DMD: variants seen among roughly 807,000 people sequenced by gnomAD.
DMD encodes dystrophin.
DMD carries 63 observed loss-of-function variants against 330.1 expected under a neutral mutation model. The observed-to-expected ratio is 0.19, with a 90% CI of 0.16 to 0.24. The LOEUF (loss-of-function observed/expected upper bound fraction) is 0.24, where lower values mean the gene tolerates loss of function less well. Among genes scored for constraint, DMD ranks in the 10% least tolerant of loss-of-function variants. The probability of loss-of-function intolerance (pLI) is 1.00; values close to 1 mark genes in which losing one functional copy is unlikely to be tolerated. For missense variants in DMD, 3,344 were observed against 2,684.1 expected, an observed-to-expected ratio of 1.25 and a Z score of -5.43; for synonymous variants, 1,223 against 959.8, an observed-to-expected ratio of 1.27 and a Z score of -5.07.
intron 1 of DMD, among the ~76,000 whole-genome samples, chrX:33,023,414 C>A (rs1271251335): frequency 9.0e-6 from 1 of 111,527 alleles, no homozygotes; most frequent in Non-Finnish European, 1.9e-5. Context: ...AGTGATCACA[C>A]CCACTTCTAC....
rs1266543609 is a variant in DMD, at chrX:31,449,813, T to TAGATAGAA, written c.8938-5187_8938-5186insTTCTATCT. On this transcript the variant is annotated intron_variant, in intron 59 of 78. Coordinates refer to ENST00000357033, the MANE Select transcript of DMD (RefSeq NM_004006.3). ...ATATATATATAGATAGATAGATAGA[T>TAGATAGAA]AGAAATCTGGCTATATATATATAAA... is the stretch of plus-strand genomic sequence containing the variant. 1.8e-3 allele frequency among the ~76,000 whole-genome samples: 176 copies of TAGATAGAA among 96,746 alleles called. 3 individuals are homozygous for TAGATAGAA. The highest frequency in any genetic ancestry group is 6.4e-3 in the African/African-American group (172 of 27,079). The allele number at this position is 96,746 out of a possible 115,157, so 84.0% of individuals were successfully genotyped here.
chrX:32,625,605 A>G (rs1175834048), intron 11 of DMD, among the ~76,000 whole-genome samples: 5 of 112,541 alleles, frequency 4.4e-5, no homozygotes, highest in Non-Finnish European at 5.6e-5. Context: ...ATACAAATTT[A>G]TAAATGCAAA....
chrX:31,844,008 G>A (rs1334179408), intron 48 of DMD, among the ~76,000 whole-genome samples: 6 of 111,244 alleles, frequency 5.4e-5, no homozygotes, highest in East Asian at 2.8e-4. Context: ...ACAGGGATGC[G>A]CCAGCATGCC....
At position 32,720,715 on chromosome X, in the gene DMD, T is replaced by C. The variant is rs763257028; in HGVS notation, c.650-21422A>G. Among the ~76,000 whole-genome samples, 529 of 111,882 alleles carry C rather than the reference T, an allele frequency of 4.7e-3. 14 individuals are homozygous for C. Among genetic ancestry groups the C allele is most frequent in the African/African-American group, 0.016 (501 of 30,907 alleles). ...GCGATAGACATTTTAACTAGCTAGA[T>C]CAAATCTTTCTCATAATGTATGCAT... On this transcript the variant is annotated intron_variant, in intron 7 of 78. Transcript: ENST00000357033.
intron 62 of DMD, among the ~76,000 whole-genome samples, chrX:31,286,701 T>C (rs1440673509): frequency 2.7e-5 from 3 of 112,715 alleles, no homozygotes; most frequent in Non-Finnish European, 3.8e-5. Flanking sequence ...CATTAAAATT[T>C]GAGAAGCAAT....
intron 55 of DMD, among the ~76,000 whole-genome samples, chrX:31,522,357 C>CTATATATATATATATATA (rs1205735701): frequency 1.7e-5 from 1 of 57,655 alleles, no homozygotes. Flanking sequence ...CTCTCTCTCT[C>CTATATATATATATATATA]TCTCTCTATA....
intron 74 of DMD, among the ~76,000 whole-genome samples, chrX:31,148,194 CTGA>C (rs1255769857): frequency 8.9e-6 from 1 of 111,811 alleles, no homozygotes; most frequent in Non-Finnish European, 1.9e-5. Flanking sequence ...AAAAAAGATG[CTGA>C]TGTTTGCCTG....
chrX:32,168,494 A>G (rs1476268287), intron 44 of DMD, among the ~76,000 whole-genome samples: 2 of 107,706 alleles, frequency 1.9e-5, no homozygotes, highest in Non-Finnish European at 3.8e-5. Flanking sequence ...AATCTCTTTA[A>G]AAAAATTTGA....
intron 1 of DMD, among the ~76,000 whole-genome samples, chrX:33,106,914 T>C (rs2095292542): frequency 8.9e-6 from 1 of 112,345 alleles, no homozygotes; most frequent in Admixed American, 9.5e-5. Flanking sequence ...AGGGCAGTTT[T>C]CCATTTACAG....
At chrX:33,044,791 T>G (rs1460597769) in intron 1 of DMD, among the ~76,000 whole-genome samples, 2 of 112,180 alleles carry the variant, frequency 1.8e-5, no homozygotes, top group Admixed American at 9.5e-5. Flanking sequence ...TTTCTTGACC[T>G]ACTTCTCGTA....
intron 55 of DMD, among the ~76,000 whole-genome samples, chrX:31,581,575 T>G (rs2076342086): frequency 8.9e-6 from 1 of 112,103 alleles, no homozygotes; most frequent in Admixed American, 9.5e-5. Flanking sequence ...AGTGGAATAT[T>G]AATAAACATG....
rs189148548 is a variant in DMD at position 32,349,654 on chromosome X, A to C, written c.5326-1126T>G. ...GAAAAACTAAATATCTAAAGGTAAT[A>C]ATCTGTCACTATTGAAGAAGTGAAT... is the stretch of plus-strand genomic sequence containing the variant. On this transcript the variant is annotated intron_variant, in intron 37 of 78. Transcript: ENST00000357033. Among the ~76,000 whole-genome samples, 297 of 111,691 alleles carry C rather than the reference A, an allele frequency of 2.7e-3. 2 individuals carry two copies. Among genetic ancestry groups the C allele is most frequent in the African/African-American group, 9.4e-3 (292 of 30,905 alleles).
intron 43 of DMD, among the ~76,000 whole-genome samples, chrX:32,267,580 C>A (rs903760893): frequency 1.8e-5 from 2 of 112,139 alleles, no homozygotes; most frequent in Non-Finnish European, 3.8e-5. Flanking sequence ...AAGCCTCCAG[C>A]AATTCTGTGA....
chrX:32,859,461 TCACACACACACA>T (rs35537635), intron 2 of DMD, among the ~76,000 whole-genome samples: 1,488 of 86,042 alleles, frequency 0.017, 16 homozygotes, highest in Middle Eastern at 0.032. Context: ...AAGCAAGATC[TCACACACACACA>T]CACACACACA....
intron 2 of DMD, among the ~76,000 whole-genome samples, chrX:33,010,868 G>A (rs1346069643): frequency 1.8e-5 from 2 of 110,959 alleles, no homozygotes; most frequent in Non-Finnish European, 3.8e-5. Context: ...TTCTTTGGCC[G>A]TCAGCATCAG....
At chrX:32,484,326 C>A (rs1470924435) in intron 21 of DMD, among the ~76,000 whole-genome samples, 1 of 111,811 alleles carries the variant, frequency 8.9e-6, no homozygotes. Flanking sequence ...CAGGAAGAGA[C>A]AAAAGAAACA....
chrX:32,397,202 G>A (rs1569561000), intron 30 of DMD, among the ~76,000 whole-genome samples: 1 of 111,658 alleles, frequency 9.0e-6, no homozygotes, highest in Non-Finnish European at 1.9e-5. Flanking sequence ...TGTGAGGGAT[G>A]TATAATTTGA....
rs2094347766 is a variant in DMD at position 31,897,076 on chromosome X, C to G, written c.6913-21703G>C. 2.7e-5 allele frequency among the ~76,000 whole-genome samples: 3 copies of G among 109,791 alleles called. No individual in the cohort carries two copies. The South Asian group carries it at 1.2e-3, about 44-fold the overall frequency. ...TCCCAATGCTATCCCTCCCCCCTTC[C>G]CCCACCCCACAACAGTCCCCAGAGT... On this transcript the variant is annotated intron_variant, in intron 47 of 78. Coordinates refer to ENST00000357033, the MANE Select transcript of DMD (RefSeq NM_004006.3).
At chrX:32,991,809 A>AT (rs2092986787) in intron 2 of DMD, among the ~76,000 whole-genome samples, 1 of 112,032 alleles carries the variant, frequency 8.9e-6, no homozygotes, top group South Asian at 3.6e-4. Flanking sequence ...ATTTATTAAC[A>AT]TAATTTTGAC....
Sources: allele counts gnomAD v4.1 joint callset (sites outside exome capture counted in the v4.1 genomes callset), GRCh38; gene constraint gnomAD v4.1.1; transcripts MANE v1.5; gene names NCBI Gene and HGNC (gene_info 2026-07-23, HGNC 2026-07-21).